Variants in RTN1 observed in about 807,000 individuals in gnomAD.
RTN1 encodes reticulon-1.
Under a neutral mutation model 65.5 loss-of-function variants are expected in RTN1, and 25 were observed. The observed-to-expected ratio is 0.38, with a 90% CI of 0.28 to 0.53. RTN1 has a LOEUF of 0.53. Among genes scored for constraint, RTN1 ranks in the 20% least tolerant of loss-of-function variants. The probability of loss-of-function intolerance (pLI) is 0.79; values close to 1 mark genes in which losing one functional copy is unlikely to be tolerated. For missense variants in RTN1, 983 were observed against 1,025.4 expected, an observed-to-expected ratio of 0.96 and a Z score of 0.57; for synonymous variants, 471 against 447.6, an observed-to-expected ratio of 1.05 and a Z score of -0.66.
intron 3 of RTN1, among the ~76,000 whole-genome samples, chr14:59,615,482 C>T (rs1882077208): frequency 6.6e-6 from 1 of 152,040 alleles, no homozygotes; most frequent in African/African-American, 2.4e-5. Flanking sequence ...CAACAAACAT[C>T]AAAATCATAC....
chr14:59,682,980 G>T (rs1444212736), intron 3 of RTN1, among the ~76,000 whole-genome samples: 1 of 152,016 alleles, frequency 6.6e-6, no homozygotes, highest in Non-Finnish European at 1.5e-5. Context: ...GTGACATTTT[G>T]GTTCTCGGTT....
intron 3 of RTN1, among the ~76,000 whole-genome samples, chr14:59,612,195 T>C (rs1238907078): frequency 6.6e-6 from 1 of 152,252 alleles, no homozygotes; most frequent in East Asian, 1.9e-4. Context: ...TGCAGCCCAT[T>C]GGGCAGCATC....
chr14:59,683,661 T>C (rs181653273), intron 3 of RTN1, among the ~76,000 whole-genome samples: 5 of 152,304 alleles, frequency 3.3e-5, no homozygotes, highest in African/African-American at 1.2e-4. Flanking sequence ...GGTTAGATCA[T>C]AGAGTATTTA....
At chr14:59,729,972 G>A (rs1333915315) in intron 2 of RTN1, among the ~76,000 whole-genome samples, 1 of 152,146 alleles carries the variant, frequency 6.6e-6, no homozygotes, top group Non-Finnish European at 1.5e-5. Context: ...CTTCAAGAAC[G>A]CTGTTCCTTC....
Position 59,836,410 on chromosome 14 carries a change from G to A in RTN1, c.241+33980C>T, listed in dbSNP as rs983039961. Among the ~76,000 whole-genome samples the A allele has an allele frequency of 2.6e-5, 4 of 152,178 alleles. No individual in the cohort carries two copies. The East Asian group carries it at 5.8e-4, about 22-fold the overall frequency. On this transcript the variant is annotated intron_variant, in intron 1 of 8. Coordinates refer to ENST00000267484, the MANE Select transcript of RTN1 (RefSeq NM_021136.3). The surrounding 1 kb of genome is among the most constrained non-coding windows in gnomAD (Gnocchi z 4.9). ...AGAGATGAGGACTCTCAGGCACAGA[G>A]AGATTAAGGAACTCCCCACATCACA...
chr14:59,650,721 T>C (rs976571951), intron 3 of RTN1, among the ~76,000 whole-genome samples: 2 of 152,010 alleles, frequency 1.3e-5, no homozygotes, highest in African/African-American at 4.8e-5. Context: ...ATCTCTACAA[T>C]GAAAATTACA....
rs1029980609 is a variant in RTN1, at chr14:59,868,245, C to A, written c.241+2145G>T. ...AAACACAGAGATTTAAGACATTAACCAATCAACAACTATATCAGAAATTCC... is the reference window on the plus strand; with the variant it reads ...AAACACAGAGATTTAAGACATTAACAAATCAACAACTATATCAGAAATTCC... On this transcript the variant is annotated intron_variant, in intron 1 of 8. Coordinates refer to ENST00000267484, the MANE Select transcript of RTN1 (RefSeq NM_021136.3). This position sits in a 1 kb window ranked among gnomAD's most constrained non-coding sequence, Gnocchi z 4.0. Among the ~76,000 whole-genome samples the A allele has an allele frequency of 6.6e-6, 1 of 152,126 alleles. No homozygotes were observed. The highest frequency in any genetic ancestry group is 1.5e-5 in the Non-Finnish European group (1 of 68,016).
At chr14:59,702,842 G>T (rs1343859011) in intron 3 of RTN1, among the ~76,000 whole-genome samples, 1 of 152,194 alleles carries the variant, frequency 6.6e-6, no homozygotes, top group Non-Finnish European at 1.5e-5. Context: ...AGAGTCATGA[G>T]GCCTGTGGTC....
chr14:59,738,816 T>C (rs1383356319), intron 2 of RTN1, among the ~76,000 whole-genome samples: 1 of 152,128 alleles, frequency 6.6e-6, no homozygotes, highest in African/African-American at 2.4e-5. Flanking sequence ...ATACTATGCA[T>C]CCATAAAAAG....
At chr14:59,867,634 C>T (rs1887822353) in intron 1 of RTN1, among the ~76,000 whole-genome samples, 1 of 152,114 alleles carries the variant, frequency 6.6e-6, no homozygotes, top group Non-Finnish European at 1.5e-5. Flanking sequence ...TTTTAATTAC[C>T]ATCAATGTAT....
At chr14:59,701,677 T>C (rs1340314216) in intron 3 of RTN1, among the ~76,000 whole-genome samples, 2 of 151,956 alleles carry the variant, frequency 1.3e-5, no homozygotes, top group African/African-American at 4.8e-5. Flanking sequence ...TGCCAGGGAC[T>C]GTGGGAAAGA....
intron 3 of RTN1, among the ~76,000 whole-genome samples, chr14:59,695,825 ATAT>A (rs1473102167): frequency 1.3e-5 from 2 of 151,972 alleles, no homozygotes; most frequent in African/African-American, 4.8e-5. Context: ...CTATATATTG[ATAT>A]TATATTTATA....
At chr14:59,725,762 AT>A (rs751983271) in intron 3 of RTN1, among the ~76,000 whole-genome samples, 1 of 152,218 alleles carries the variant, frequency 6.6e-6, no homozygotes, top group Non-Finnish European at 1.5e-5. Context: ...ATTTTAAAGA[AT>A]TTAGCAGCTA....
At chr14:59,680,173 G>C (rs1883716215) in intron 3 of RTN1, among the ~76,000 whole-genome samples, 1 of 152,126 alleles carries the variant, frequency 6.6e-6, no homozygotes. Context: ...TGCCTTCTAA[G>C]AGCTTTGCTC....
intron 3 of RTN1, among the ~76,000 whole-genome samples, chr14:59,642,684 G>A (rs949784973): frequency 2.0e-5 from 3 of 151,982 alleles, no homozygotes; most frequent in Admixed American, 6.6e-5. Context: ...CCATGTCTCT[G>A]TTGAAATTCT....
intron 1 of RTN1, among the ~76,000 whole-genome samples, chr14:59,792,150 T>C (rs1198662370): frequency 6.6e-6 from 1 of 152,132 alleles, no homozygotes; most frequent in African/African-American, 2.4e-5. Context: ...GCATACTTTT[T>C]GCTGGGTTTT....
rs559913438 is a variant in RTN1, at chr14:59,643,622, T to G, written c.1766-36130A>C. ...TACTATCATTAGCCGTCTGCTGAAC[T>G]ATGCAGACAAAAGGGGGATGCTTAG... On this transcript the variant is annotated intron_variant, in intron 3 of 8. Transcript: ENST00000267484. Among the ~76,000 whole-genome samples, 40 of 152,286 alleles carry G rather than the reference T, an allele frequency of 2.6e-4. No homozygotes were observed. The East Asian group carries it at 7.1e-3, about 27-fold the overall frequency.
intron 3 of RTN1, among the ~76,000 whole-genome samples, chr14:59,624,200 TA>T (rs1037137488): frequency 3.9e-5 from 6 of 152,240 alleles, no homozygotes; most frequent in African/African-American, 1.4e-4. Context: ...AGCTTGAACT[TA>T]AAGATATAGC....
chr14:59,830,935 G>A (rs763363549), intron 1 of RTN1, among the ~76,000 whole-genome samples: 5 of 152,158 alleles, frequency 3.3e-5, no homozygotes, highest in Admixed American at 1.3e-4. Flanking sequence ...CAAATTCTCA[G>A]CTCTGTGTCC....
Sources: allele counts gnomAD v4.1 joint callset (sites outside exome capture counted in the v4.1 genomes callset), GRCh38; gene constraint gnomAD v4.1.1; non-coding constraint Gnocchi (gnomAD v3.1); transcripts MANE v1.5; gene names NCBI Gene and HGNC (gene_info 2026-07-23, HGNC 2026-07-21).